Variants in ADGRD1 observed in about 807,000 individuals in gnomAD.
The protein encoded by ADGRD1 is adhesion G protein-coupled receptor D1.
ADGRD1 carries 77 observed loss-of-function variants against 113.4 expected under a neutral mutation model. The observed-to-expected ratio is 0.68, with a 90% CI of 0.57 to 0.82. The LOEUF (loss-of-function observed/expected upper bound fraction) is 0.82. Among genes scored for constraint, ADGRD1 ranks in the 40% least tolerant of loss-of-function variants. The pLI is 0.00. For missense variants in ADGRD1, 1,036 were observed against 1,139.1 expected (o/e 0.91, Z 1.30); for synonymous variants, 474 against 475.0 (o/e 1.00, Z 0.03).
chr12:131,106,051 C>T (rs930903383), intron 17 of ADGRD1, among the ~76,000 whole-genome samples, 186 bp downstream of exon 17: 3 of 152,172 alleles, frequency 2.0e-5, no homozygotes, highest in South Asian at 2.1e-4. Context: ...CTGTGCTGCA[C>T]GCCAGCCTCG....
chr12:131,071,955 CT>C (rs1201190131), intron 13 of ADGRD1, among the ~76,000 whole-genome samples: 1 of 150,890 alleles, frequency 6.6e-6, no homozygotes, highest in Non-Finnish European at 1.5e-5. Context: ...GCGCTTTCCA[CT>C]GAGAGCCGCG....
At chr12:131,046,759 GTCA>G (rs1882857715) in intron 13 of ADGRD1, among the ~76,000 whole-genome samples, 3 of 136,512 alleles carry the variant, frequency 2.2e-5, no homozygotes, top group Admixed American at 2.2e-4. Context: ...GTCCTCCCTG[GTCA>G]GTGCTCCCTC....
At chr12:131,118,340 A>G (rs1000992960) in intron 18 of ADGRD1, 45 bp from the exon 19 acceptor site, 2 of 1,472,598 alleles carry the variant, frequency 1.4e-6, no homozygotes, top group Non-Finnish European at 1.9e-6. Flanking sequence ...GAGGGAGGGA[A>G]GAAAACTGGA....
rs1466860326 is a variant in ADGRD1, at chr12:131,020,493, T to TG, written c.1473+6157dup. On this transcript the variant is annotated intron_variant, in intron 13 of 24. Transcript: ENST00000261654. ...TTTGGTTCCCCAGGCTCACACGCAG[T>TG]GGGGCACTGGTGATCTGAGGAGGGA... Among the ~76,000 whole-genome samples, 5 of 152,208 alleles carry TG rather than the reference T, an allele frequency of 3.3e-5. No individual in the cohort carries two copies. The East Asian group carries it at 9.6e-4, about 29-fold the overall frequency.
At chr12:130,958,567 G>A (rs930391361) in intron 2 of ADGRD1, among the ~76,000 whole-genome samples, 2 of 152,132 alleles carry the variant, frequency 1.3e-5, no homozygotes, top group Non-Finnish European at 2.9e-5. Flanking sequence ...CTGCTGAAAA[G>A]CCGCATCCCT....
intron 8 of ADGRD1, among the ~76,000 whole-genome samples, chr12:130,993,170 G>A (rs1874656225): frequency 6.6e-6 from 1 of 152,114 alleles, no homozygotes; most frequent in Admixed American, 6.5e-5. Flanking sequence ...TCGGGGATAA[G>A]TGGGTTCCTA....
chr12:131,020,692 C>T (rs551041225), intron 13 of ADGRD1, among the ~76,000 whole-genome samples: 15 of 152,218 alleles, frequency 9.9e-5, no homozygotes, highest in Non-Finnish European at 1.5e-4. Flanking sequence ...GCCCCTGGAC[C>T]GTGAAGAAGC....
At position 130,982,583 on chromosome 12, in the gene ADGRD1, A is replaced by G. The variant is rs57795768; in HGVS notation, c.490+520A>G. The stretch of plus-strand genomic sequence containing the variant: ...GTGGTATAGACTTGAAATTGTTTAA[A>G]GCATGACGAGAAGAAGCTTTTGGAG... On this transcript the variant is annotated intron_variant, in intron 5 of 24. Transcript: ENST00000261654. Among the ~76,000 whole-genome samples the G allele has an allele frequency of 7.6e-3, 1,163 of 152,156 alleles. 14 individuals are homozygous for G. Among genetic ancestry groups the G allele is most frequent in the African/African-American group, 0.027 (1,105 of 41,488 alleles).
chr12:131,010,027 C>G (rs1877671914), intron 12 of ADGRD1, among the ~76,000 whole-genome samples: 1 of 152,222 alleles, frequency 6.6e-6, no homozygotes, highest in Admixed American at 6.5e-5. Context: ...GCCCTGGCTG[C>G]AGTGCTGCTC....
At chr12:130,979,815 T>TCACACACACACA (rs1491129989) in intron 4 of ADGRD1, among the ~76,000 whole-genome samples, 222 of 139,806 alleles carry the variant, frequency 1.6e-3, no homozygotes, top group African/African-American at 3.8e-3. Flanking sequence ...GCAGCTAGTG[T>TCACACACACACA]CTCACACACA....
At chr12:131,135,619 C>T (rs967310522) in intron 21 of ADGRD1, among the ~76,000 whole-genome samples, 1 of 152,206 alleles carries the variant, frequency 6.6e-6, no homozygotes, top group Non-Finnish European at 1.5e-5. Flanking sequence ...CCTCATTGCA[C>T]CCTTCCAAGC....
At position 131,034,172 on chromosome 12, in the gene ADGRD1, C is replaced by T. The variant is rs61082753; in HGVS notation, c.1473+19832C>T. 3.7e-3 allele frequency among the ~76,000 whole-genome samples: 566 copies of T among 152,342 alleles called. 3 individuals carry two copies. Among genetic ancestry groups the T allele is most frequent in the African/African-American group, 0.013 (526 of 41,588 alleles). On this transcript the variant is annotated intron_variant, in intron 13 of 24. Coordinates refer to ENST00000261654, the MANE Select transcript of ADGRD1 (RefSeq NM_198827.5). ...CTCTGCATTTCAAGTAAGATCTACACGCCCTTCTTCCCCTGCCCACCCTGC... is the reference window on the plus strand; with the variant it reads ...CTCTGCATTTCAAGTAAGATCTACATGCCCTTCTTCCCCTGCCCACCCTGC...
intron 13 of ADGRD1, among the ~76,000 whole-genome samples, chr12:131,049,698 C>A (rs140965564): frequency 6.6e-6 from 1 of 152,098 alleles, no homozygotes; most frequent in Admixed American, 6.5e-5. Flanking sequence ...GTCTGGGGTG[C>A]GAGCAGGGGC....
At chr12:131,015,618 A>G (rs1416265476) in intron 13 of ADGRD1, among the ~76,000 whole-genome samples, 1 of 142,442 alleles carries the variant, frequency 7.0e-6, no homozygotes, top group African/African-American at 2.9e-5. Context: ...GGAGATGGAG[A>G]TGGAGTTGGA....
In ADGRD1 at chr12:130,966,517, G is replaced by C; in HGVS notation, c.158G>C (p.Gly53Ala). The change falls in exon 3 of 25, where the codon GGG becomes GCG. Residue 53 changes from glycine (G) to alanine (A), a missense_variant. Gly to Ala is a moderately conservative substitution (Grantham distance 60). Coordinates refer to ENST00000261654, the MANE Select transcript of ADGRD1 (RefSeq NM_198827.5). This position sits in a 1 kb window ranked among gnomAD's most constrained non-coding sequence, Gnocchi z 4.6. ...TACTGGCCACTGGAGAATGTGGATGGGATCCATGAACTTCAGGATACAACT... is the reference window on the plus strand; with the variant it reads ...TACTGGCCACTGGAGAATGTGGATGCGATCCATGAACTTCAGGATACAACT... The part of the protein sequence containing the change: ...SHYWPLENVD[G>A]IHELQDTTGD... 6.2e-7 allele frequency: 1 copy of C among 1,611,136 alleles called. No homozygotes were observed.
chr12:131,080,663 C>T lies in ADGRD1; in HGVS notation c.1547+3789C>T, dbSNP rs200210336. On this transcript the variant is annotated intron_variant, in intron 14 of 24. Coordinates refer to ENST00000261654, the MANE Select transcript of ADGRD1 (RefSeq NM_198827.5). ...TGAGACAGAGTCTCGCTCTGTAACC[C>T]AGGCTGGAGTGCAGTGGCATGGTCT... Among the ~76,000 whole-genome samples, 29 of 152,228 alleles carry T rather than the reference C, an allele frequency of 1.9e-4. No individual in the cohort carries two copies. In the East Asian group the frequency reaches 5.6e-3, roughly 29 times the overall value.
Position 131,006,320 on chromosome 12 carries a change from A to G in ADGRD1, c.1331+273A>G, listed in dbSNP as rs796962708. On this transcript the variant is annotated intron_variant, in intron 12 of 24. Transcript: ENST00000261654. ...AGAACTGTGTGACCTTGGGCAAGGG[A>G]CTTAACCTCTCTGAGCCTCAGTTTC... Among the ~76,000 whole-genome samples the G allele has an allele frequency of 1.1e-3, 160 of 152,310 alleles. 1 individual carries two copies. Among genetic ancestry groups the G allele is most frequent in the African/African-American group, 3.8e-3 (160 of 41,564 alleles).
intron 18 of ADGRD1, among the ~76,000 whole-genome samples, chr12:131,117,677 G>A (rs1469404427): frequency 6.6e-6 from 1 of 152,182 alleles, no homozygotes; most frequent in Non-Finnish European, 1.5e-5. Context: ...ACATGCCTCA[G>A]AGCCAGGAAG....
chr12:131,105,350 G>C (rs1950209510), intron 16 of ADGRD1, among the ~76,000 whole-genome samples: 1 of 152,252 alleles, frequency 6.6e-6, no homozygotes, highest in Admixed American at 6.5e-5. Context: ...GAGGGGTGCA[G>C]CTAGGTCCCA....
Sources: gnomAD v4.1 joint callset for allele counts (sites outside exome capture counted in the v4.1 genomes callset) on GRCh38, gnomAD v4.1.1 for gene constraint, Gnocchi (gnomAD v3.1) non-coding constraint, MANE v1.5 for transcripts, NCBI Gene and HGNC (gene_info 2026-07-23, HGNC 2026-07-21) for gene names.